Variants in KLRG1 observed in about 807,000 individuals in gnomAD.
KLRG1 encodes killer cell lectin like receptor G1.
KLRG1 carries 16 observed loss-of-function variants against 21.8 expected under a neutral mutation model. The ratio of observed to expected loss-of-function variants is 0.73; its 90% confidence interval spans 0.50 to 1.11. KLRG1 has a LOEUF of 1.11. Ranked by LOEUF, KLRG1 falls within the 50% of genes most tolerant of loss-of-function variation. The pLI, the probability that KLRG1 is intolerant of heterozygous loss-of-function variation, is 0.00. For synonymous variants in KLRG1, 69 were observed against 75.9 expected (o/e 0.91, Z 0.47); for missense variants, 173 against 218.3 (o/e 0.79, Z 1.31).
chr12:9,203,800 C>T, the KLRG1 span: 3 of 1,614,144 alleles, frequency 1.9e-6, no homozygotes, highest in African/African-American at 1.3e-5. Flanking sequence ...AAGTCCTTCT[C>T]CGCCACCAGG....
the KLRG1 span, among the ~76,000 whole-genome samples, chr12:9,119,854 C>T: frequency 6.6e-6 from 1 of 152,160 alleles, no homozygotes; most frequent in Non-Finnish European, 1.5e-5. Context: ...AATCGCCTTT[C>T]ACCACGACAG....
the KLRG1 span, chr12:9,101,643 C>G: frequency 6.2e-7 from 1 of 1,613,838 alleles, no homozygotes; most frequent in East Asian, 2.2e-5. Flanking sequence ...CCACTGGTAG[C>G]CGTAACAGGG....
chr12:9,173,848 C>G, the KLRG1 span, among the ~76,000 whole-genome samples: 1 of 152,164 alleles, frequency 6.6e-6, no homozygotes, highest in East Asian at 1.9e-4. Flanking sequence ...AATCTACCAA[C>G]CAAAAAAAGC....
At chr12:9,101,060 A>G in the KLRG1 span, 11 of 1,285,622 alleles carry the variant, frequency 8.6e-6, no homozygotes, top group South Asian at 2.8e-5. Context: ...ATGGAAAAAA[A>G]GGGAAAGTAT....
At chr12:9,105,462 G>A in the KLRG1 span, among the ~76,000 whole-genome samples, 1 of 152,142 alleles carries the variant, frequency 6.6e-6, no homozygotes, top group Admixed American at 6.5e-5. Context: ...ACTCCACTTT[G>A]TTGAGTCTAT....
the KLRG1 span, among the ~76,000 whole-genome samples, chr12:9,147,705 A>T: frequency 6.6e-6 from 1 of 152,152 alleles, no homozygotes; most frequent in Non-Finnish European, 1.5e-5. Flanking sequence ...TTCATCAGCC[A>T]GTTTCTTACT....
chr12:9,031,942 A>G, the KLRG1 span, among the ~76,000 whole-genome samples: 4 of 152,212 alleles, frequency 2.6e-5, no homozygotes, highest in Admixed American at 6.5e-5. Flanking sequence ...CTGGAGGCCC[A>G]AAGTCAAAGT....
At chr12:9,102,104 A>C in the KLRG1 span, among the ~76,000 whole-genome samples, 1 of 152,186 alleles carries the variant, frequency 6.6e-6, no homozygotes, top group Non-Finnish European at 1.5e-5. Flanking sequence ...GAATAAATAA[A>C]ATATTGTAAC....
chr12:8,973,487 G>A (rs1946606144), intron 1 of KLRG1, among the ~76,000 whole-genome samples: 1 of 152,142 alleles, frequency 6.6e-6, no homozygotes, highest in Non-Finnish European at 1.5e-5. Context: ...ATTCGCTCTG[G>A]TGGGCATAGC....
chr12:9,018,741 A>G, the KLRG1 span, among the ~76,000 whole-genome samples: 1 of 151,770 alleles, frequency 6.6e-6, no homozygotes, highest in Non-Finnish European at 1.5e-5. Flanking sequence ...AAGGAAAGAA[A>G]CTAGACCCTC....
At chr12:9,135,067 TG>T in the KLRG1 span, 1 of 186,482 alleles carries the variant, frequency 5.4e-6, no homozygotes, top group Non-Finnish European at 1.1e-5. Flanking sequence ...TCTGCCTCCT[TG>T]CATCCCTTCT....
chr12:9,166,141 G>C, the KLRG1 span: 2 of 1,613,816 alleles, frequency 1.2e-6, no homozygotes, highest in Non-Finnish European at 1.7e-6. Context: ...CATTATTTAA[G>C]GGTATCACAT....
chr12:9,113,392 C>T, the KLRG1 span: 1 of 1,613,644 alleles, frequency 6.2e-7, no homozygotes, highest in South Asian at 1.1e-5. Flanking sequence ...ACGTCATTCT[C>T]CGCCTCCAGG....
the KLRG1 span, among the ~76,000 whole-genome samples, chr12:9,078,400 A>G: frequency 6.6e-6 from 1 of 152,224 alleles, no homozygotes; most frequent in South Asian, 2.1e-4. Context: ...ATAGTATTCC[A>G]TGATGTATAT....
the KLRG1 span, among the ~76,000 whole-genome samples, chr12:9,127,189 C>T: frequency 9.2e-5 from 14 of 152,190 alleles, no homozygotes. Flanking sequence ...CACAGCAGTA[C>T]ATTTTTGCCG....
chr12:9,076,642 T>A, the KLRG1 span: 100 of 897,068 alleles, frequency 1.1e-4, no homozygotes, highest in Admixed American at 2.5e-5. Flanking sequence ...ATATATGATA[T>A]ATAGAAAAGA....
At chr12:9,067,574 G>A in the KLRG1 span, 12 of 559,470 alleles carry the variant, frequency 2.1e-5, no homozygotes, top group African/African-American at 1.3e-4. Context: ...TACTCAGACC[G>A]ACATCACTGT....
At chr12:9,203,927 G>T in the KLRG1 span, 1 of 1,613,838 alleles carries the variant, frequency 6.2e-7, no homozygotes. Flanking sequence ...TGTGGAGCAG[G>T]GAGGGGACCA....
At chr12:9,134,385 G>A in the KLRG1 span, among the ~76,000 whole-genome samples, 5 of 152,102 alleles carry the variant, frequency 3.3e-5, no homozygotes, top group African/African-American at 9.7e-5. Flanking sequence ...GACACCAGGT[G>A]TCTTTTTTCT....
Sources: gnomAD v4.1 joint callset for allele counts (sites outside exome capture counted in the v4.1 genomes callset) on GRCh38, gnomAD v4.1.1 for gene constraint, MANE v1.5 for transcripts, NCBI Gene and HGNC (gene_info 2026-07-23, HGNC 2026-07-21) for gene names.